BRCA2: variants seen among roughly 807,000 people sequenced by gnomAD.
BRCA2 encodes breast cancer type 2 susceptibility protein.
BRCA2 carries 203 observed loss-of-function variants against 276.7 expected under a neutral mutation model. That is an observed-to-expected ratio of 0.73 (90% CI 0.65 to 0.82). The LOEUF (loss-of-function observed/expected upper bound fraction) is 0.82. Among genes scored for constraint, BRCA2 ranks in the 40% least tolerant of loss-of-function variants. The pLI is 0.00. For missense variants in BRCA2, 3,920 were observed against 3,915.0 expected (o/e 1.00, Z -0.03); for synonymous variants, 1,289 against 1,338.4 (o/e 0.96, Z 0.81).
At position 32,328,277 on chromosome 13, in the gene BRCA2, T is replaced by G. The variant is rs146656871; in HGVS notation, c.632-1166T>G. Reference sequence around the variant, plus strand: ...TTTTTTTTGAGGCGGAGTCTTGCCCTTTTGCCCAGGCTGGAGTACAGTGGC... The same window carrying G: ...TTTTTTTTGAGGCGGAGTCTTGCCCGTTTGCCCAGGCTGGAGTACAGTGGC... On this transcript the variant is annotated intron_variant, in intron 7 of 26. Transcript: ENST00000380152. Among the ~76,000 whole-genome samples the G allele has an allele frequency of 1.2e-3, 184 of 151,364 alleles. 2 individuals are homozygous for G. Among genetic ancestry groups the G allele is most frequent in the African/African-American group, 4.2e-3 (172 of 41,166 alleles).
chr13:32,355,010 C>A lies in BRCA2; in HGVS notation c.7157C>A (p.Ser2386Tyr), dbSNP rs1566240894. ...AVSGHPFYQVSATRNEKMRHL... is the reference protein window; with the variant it reads ...AVSGHPFYQVYATRNEKMRHL... ...TCAGGACATCCATTTTATCAAGTTT[C>A]TGCTACAAGAAATGAAAAAATGAGA... The change falls in exon 14 of 27, where the codon TCT becomes TAT. Residue 2386 changes from serine to tyrosine, a missense_variant. By Grantham distance (144) the Ser-to-Tyr change is moderately radical. Around this residue, in one of 2 missense-constraint regions of BRCA2, gnomAD observed 3,263 missense variants for 3,156.9 expected, o/e 1.03. Transcript: ENST00000380152. The A allele has an allele frequency of 6.2e-7, 1 of 1,613,864 alleles. No homozygotes were observed. Among genetic ancestry groups the A allele is most frequent in the South Asian group, 1.1e-5 (1 of 91,072 alleles).
In BRCA2 at chr13:32,370,647, G is replaced by A. The variant is rs2072825072; in HGVS notation, c.8487+90G>A. On this transcript the variant is annotated intron_variant, in intron 19 of 26. Coordinates refer to ENST00000380152, the MANE Select transcript of BRCA2 (RefSeq NM_000059.4). ...GTTTGAGATGGAGTTTCGGTCTCTT[G>A]CCCAGGCTGGAGTGCAATGGCGTGA... 6.3e-6 allele frequency: 9 copies of A among 1,418,860 alleles called. No individual in the cohort carries two copies. The East Asian group carries it at 1.5e-4, about 23-fold the overall frequency. 87.9% of individuals were successfully genotyped at this position (1,418,860 alleles called of 1,614,324 possible). A position where few individuals can be genotyped will look rare whatever the true frequency, so the allele number is the denominator to read the frequency against.
chr13:32,336,392 T>A lies in BRCA2; in HGVS notation c.2037T>A (p.Asn679Lys), dbSNP rs1406955615. The change falls in exon 11 of 27, where the codon AAT becomes AAA. Residue 679 changes from asparagine (N) to lysine (K), a missense_variant. Asn to Lys is a moderately conservative substitution (Grantham distance 94, BLOSUM62 0). Around this residue, in one of 2 missense-constraint regions of BRCA2, gnomAD observed 3,263 missense variants for 3,156.9 expected, o/e 1.03. Coordinates refer to ENST00000380152, the MANE Select transcript of BRCA2 (RefSeq NM_000059.4). ...KCSRNETCSN[N>K]TVISQDLDYK... ...CTAGAAATGAAACATGTTCTAATAA[T>A]ACAGTAATCTCTCAGGATCTTGATT... 6.2e-7 allele frequency: 1 copy of A among 1,613,086 alleles called. No individual in the cohort carries two copies. Among genetic ancestry groups the A allele is most frequent in the African/African-American group, 1.3e-5 (1 of 74,902 alleles).
chr13:32,362,187 T>A (rs1485942872), intron 16 of BRCA2, among the ~76,000 whole-genome samples: 1 of 151,990 alleles, frequency 6.6e-6, no homozygotes, highest in Non-Finnish European at 1.5e-5. Context: ...CACTCTTGGC[T>A]GATTTTTTTT....
In BRCA2 at chr13:32,339,953, TACAG is replaced by T. The variant is rs397507356; in HGVS notation, c.5603_5606del (p.Asp1868ValfsTer5). ...CAATTAAAAAAGTGAAAGACATATT[TACAG>T]ACAGTTTCAGTAAAGTAATTAAGGA... On this transcript the variant is annotated frameshift_variant, in exon 11 of 27. Coordinates refer to ENST00000380152, the MANE Select transcript of BRCA2 (RefSeq NM_000059.4). LOFTEE classifies it high-confidence loss of function. The T allele has an allele frequency of 6.2e-7, 1 of 1,609,892 alleles. No individual in the cohort carries two copies. Among genetic ancestry groups the T allele is most frequent in the Non-Finnish European group, 8.5e-7 (1 of 1,178,130 alleles).
At chr13:32,394,596 A>C (rs2073019707) in intron 24 of BRCA2, 93 bp from the exon 25 acceptor site, 2 of 1,451,158 alleles carry the variant, frequency 1.4e-6, no homozygotes, top group Non-Finnish European at 1.9e-6. Flanking sequence ...GCATATACCA[A>C]AATAAATAGG....
chr13:32,360,713 A>G (rs1213661855), intron 16 of BRCA2, among the ~76,000 whole-genome samples: 3 of 152,190 alleles, frequency 2.0e-5, no homozygotes, highest in African/African-American at 7.2e-5. Flanking sequence ...GAGAGGGGCA[A>G]AGATGGACAC....
chr13:32,391,104 T>C (rs1178934238), intron 24 of BRCA2, among the ~76,000 whole-genome samples: 3 of 152,236 alleles, frequency 2.0e-5, no homozygotes, highest in Non-Finnish European at 4.4e-5. Context: ...CAGGGACATC[T>C]GTATTTTTAA....
At chr13:32,322,619 C>T (rs373242652) in intron 3 of BRCA2, among the ~76,000 whole-genome samples, 7 of 152,296 alleles carry the variant, frequency 4.6e-5, no homozygotes, top group East Asian at 1.9e-4. Context: ...GCCCTCATTC[C>T]GGTAAACCCA....
At chr13:32,369,468 T>A (rs952765971) in intron 18 of BRCA2, among the ~76,000 whole-genome samples, 1 of 152,228 alleles carries the variant, frequency 6.6e-6, no homozygotes, top group African/African-American at 2.4e-5. Context: ...TTACAACAAG[T>A]TTGGTGGCTG....
At chr13:32,346,493 T>A (rs1476634704) in intron 12 of BRCA2, among the ~76,000 whole-genome samples, 8 of 152,116 alleles carry the variant, frequency 5.3e-5, no homozygotes, top group African/African-American at 1.9e-4. Flanking sequence ...ATGAACAATA[T>A]CTAAAGCTTA....
intron 19 of BRCA2, 78 bp from the exon 20 acceptor site, chr13:32,370,878 C>G (rs2137599234): frequency 1.9e-6 from 3 of 1,561,358 alleles, no homozygotes; most frequent in Non-Finnish European, 2.6e-6. Context: ...CAGATGTGAG[C>G]CACTGTGCCT....
intron 5 of BRCA2, 40 bp from the exon 6 acceptor site, chr13:32,326,202 A>T (rs2072345258): frequency 2.5e-6 from 4 of 1,610,480 alleles, no homozygotes; most frequent in Non-Finnish European, 2.5e-6. Context: ...AATGTTAATA[A>T]AAATAAAACT....
intron 20 of BRCA2, among the ~76,000 whole-genome samples, chr13:32,374,520 G>A (rs1389436285): frequency 1.3e-5 from 2 of 152,164 alleles, no homozygotes; most frequent in Non-Finnish European, 2.9e-5. Context: ...TCTTCCACAG[G>A]ATACCCTAAA....
At chr13:32,388,835 TA>T (rs2072979171) in intron 24 of BRCA2, among the ~76,000 whole-genome samples, 1 of 152,186 alleles carries the variant, frequency 6.6e-6, no homozygotes, top group Non-Finnish European at 1.5e-5. Flanking sequence ...AGTCGGGTTA[TA>T]AATTTTTATC....
At chr13:32,365,721 C>CTTTT (rs36116910) in intron 18 of BRCA2, among the ~76,000 whole-genome samples, 6 of 105,868 alleles carry the variant, frequency 5.7e-5, no homozygotes, top group East Asian at 2.8e-4. Flanking sequence ...ACTTTGGTGT[C>CTTTT]TTTTTTTTTT....
rs864622199 is a variant in BRCA2 at position 32,332,861 on chromosome 13, G to A, written c.1383G>A (p.Glu461=). Residue 461 remains glutamate (E), a synonymous_variant, in exon 10 of 27, where the codon GAG becomes GAA. Transcript: ENST00000380152. ...CAAAATCAGAGAAGCCATTAAATGA[G>A]GAAACAGTGGTAAATAAGAGAGATG... The part of the protein sequence containing the change: ...SLPKSEKPLN[E]ETVVNKRDEE... The A allele has an allele frequency of 2.5e-6, 4 of 1,611,764 alleles. No homozygotes were observed. Among genetic ancestry groups the A allele is most frequent in the African/African-American group, 1.3e-5 (1 of 74,746 alleles).
Position 32,346,842 on chromosome 13 carries a change from G to A in BRCA2, c.6953G>A (p.Arg2318Gln), listed in dbSNP as rs80358921. 30 of 1,607,834 alleles carry A rather than the reference G, an allele frequency of 1.9e-5. No individual in the cohort carries two copies. The highest frequency in any genetic ancestry group is 3.3e-5 in the Admixed American group (2 of 59,818). The change falls in exon 13 of 27, where the codon CGA (arginine) becomes CAA (glutamine). Residue 2318 changes from arginine (R) to glutamine (Q), a missense_variant. Transcript: ENST00000380152. The stretch of plus-strand genomic sequence containing the variant: ...TGTTTCCTAGGCACAATAAAAGATC[G>A]AAGATTGTTTATGCATCATGTTTCT... Reference protein sequence around the residue: ...KSTPDGTIKDRRLFMHHVSLE... With the variant: ...KSTPDGTIKDQRLFMHHVSLE...
At chr13:32,328,439 A>G (rs2072365850) in intron 7 of BRCA2, among the ~76,000 whole-genome samples, 1 of 152,016 alleles carries the variant, frequency 6.6e-6, no homozygotes, top group Non-Finnish European at 1.5e-5. Flanking sequence ...AGGAGGTTTC[A>G]CTGGGTTGGC....
Sources: allele counts gnomAD v4.1 joint callset (sites outside exome capture counted in the v4.1 genomes callset), GRCh38; gene constraint gnomAD v4.1.1; regional missense constraint gnomAD v4.1.1; transcripts MANE v1.5; gene names NCBI Gene and HGNC (gene_info 2026-07-23, HGNC 2026-07-21).